The following ACTR2 variants were observed in gnomAD, a reference collection of about 807,000 sequenced individuals.
ACTR2 encodes the protein actin related protein 2, also known as actin-related protein 2.
A neutral mutation model predicts 50.2 loss-of-function variants in ACTR2; 5 were observed. That is an observed-to-expected ratio of 0.10 (90% CI 0.05 to 0.21). The LOEUF is 0.21. Among genes scored for constraint, ACTR2 ranks in the 10% least tolerant of loss-of-function variants. The pLI, the probability that ACTR2 is intolerant of heterozygous loss-of-function variation, is 1.00. For missense variants in ACTR2, 180 were observed against 480.6 expected (o/e 0.37, Z 5.85); for synonymous variants, 140 against 162.9 (o/e 0.86, Z 1.07).
chr2:65,257,258 C>G (rs930838440), intron 6 of ACTR2, among the ~76,000 whole-genome samples: 1 of 151,924 alleles, frequency 6.6e-6, no homozygotes, highest in South Asian at 2.1e-4. Flanking sequence ...TCACCCATGC[C>G]CCTGTAAAGG....
At chr2:65,255,853 C>G in intron 6 of ACTR2, among the ~76,000 whole-genome samples, 159 bp downstream of exon 6, 1 of 152,160 alleles carries the variant, frequency 6.6e-6, no homozygotes, top group Non-Finnish European at 1.5e-5. Flanking sequence ...CATTAAGTTT[C>G]TATTTAATTA....
chr2:65,268,282 T>TC, intron 8 of ACTR2, among the ~76,000 whole-genome samples: 1 of 152,214 alleles, frequency 6.6e-6, no homozygotes, highest in African/African-American at 2.4e-5. Context: ...ACTGATCAAA[T>TC]TAGGACACTC....
chr2:65,266,017 CT>C lies in ACTR2; in HGVS notation c.1014+844del, dbSNP rs1672366690. Among the ~76,000 whole-genome samples, 5 of 152,180 alleles carry C rather than the reference CT, an allele frequency of 3.3e-5. No individual in the cohort carries two copies. In the South Asian group the frequency reaches 1.0e-3, roughly 32 times the overall value. On this transcript the variant is annotated intron_variant, in intron 8 of 8. Coordinates refer to ENST00000260641, the MANE Select transcript of ACTR2 (RefSeq NM_005722.4). Reference sequence around the variant, plus strand: ...GGAAAGGAGCCATACTGTCTAAGTACTTCACTTATTTTTCTGATTTTATTGA... The same window carrying C: ...GGAAAGGAGCCATACTGTCTAAGTACTCACTTATTTTTCTGATTTTATTGA...
chr2:65,251,995 T>G (rs1044580476), intron 4 of ACTR2, among the ~76,000 whole-genome samples: 1 of 152,022 alleles, frequency 6.6e-6, no homozygotes, highest in Non-Finnish European at 1.5e-5. Flanking sequence ...CTGTCAGATA[T>G]GTGCCAAGGA....
chr2:65,243,551 C>A (rs139885111), intron 2 of ACTR2, among the ~76,000 whole-genome samples: 175 of 152,128 alleles, frequency 1.2e-3, no homozygotes, highest in African/African-American at 4.0e-3. Flanking sequence ...ATTGCTTGAG[C>A]CCAGAAGTTT....
At chr2:65,229,787 T>C (rs1671602210) in intron 1 of ACTR2, among the ~76,000 whole-genome samples, 1 of 150,766 alleles carries the variant, frequency 6.6e-6, no homozygotes, top group Non-Finnish European at 1.5e-5. Flanking sequence ...ACAAAACATA[T>C]TAATGTGACG....
chr2:65,237,315 C>T (rs1489363312), intron 1 of ACTR2, among the ~76,000 whole-genome samples: 1 of 152,126 alleles, frequency 6.6e-6, no homozygotes, highest in Non-Finnish European at 1.5e-5. Context: ...ATCACGGCAG[C>T]CTTAACCTCC....
chr2:65,238,286 C>T (rs1031776289), intron 1 of ACTR2, among the ~76,000 whole-genome samples: 8 of 152,130 alleles, frequency 5.3e-5, no homozygotes, highest in African/African-American at 1.9e-4. Context: ...AGTCTTATCA[C>T]AATGATATGT....
At position 65,268,558 on chromosome 2, in the gene ACTR2, C is replaced by T. The variant is rs1239846271; in HGVS notation, c.1015-6C>T. ...ACCATTTCATTATCCTTTCTTTCTC[C>T]TTTAGAAATTTAAGATCCGCATTGA... On this transcript the variant is annotated splice_polypyrimidine_tract_variant and splice_region_variant and intron_variant, in intron 8 of 8. Transcript: ENST00000260641. The T allele has an allele frequency of 6.2e-7, 1 of 1,609,342 alleles. No individual in the cohort carries two copies. The highest frequency in any genetic ancestry group is 2.2e-5 in the East Asian group (1 of 44,844).
chr2:65,268,127 A>G (rs9309371), intron 8 of ACTR2, among the ~76,000 whole-genome samples: 14,852 of 151,834 alleles, frequency 0.098, 802 homozygotes, highest in Middle Eastern at 0.17. Context: ...GAGCCACCAC[A>G]CCCAGCCATG....
In ACTR2 at chr2:65,269,182, G is replaced by T. The variant is rs561718165; in HGVS notation, c.*448G>T. 232 of 154,098 alleles carry T rather than the reference G, an allele frequency of 1.5e-3. No homozygotes were observed. The highest frequency in any genetic ancestry group is 2.3e-3 in the Non-Finnish European group (160 of 69,476). The allele number at this position is 154,098 out of a possible 1,614,324, so 9.5% of individuals were successfully genotyped here. On this transcript the variant is annotated 3_prime_UTR_variant, in exon 9 of 9. Coordinates refer to ENST00000260641, the MANE Select transcript of ACTR2 (RefSeq NM_005722.4). Reference sequence around the variant, plus strand: ...GTGGGCAGCTGCTGAACCCTTTAGGGCATTTCCTCTGTAATGTGGCGCTTT... The same window carrying T: ...GTGGGCAGCTGCTGAACCCTTTAGGTCATTTCCTCTGTAATGTGGCGCTTT...
intron 8 of ACTR2, among the ~76,000 whole-genome samples, chr2:65,267,671 G>A (rs1156412177): frequency 2.0e-5 from 3 of 151,900 alleles, no homozygotes; most frequent in Non-Finnish European, 4.4e-5. Flanking sequence ...TGGTTACTGT[G>A]TTCATTTTCT....
At chr2:65,265,243 G>A (rs1297780533) in intron 8 of ACTR2, 68 bp downstream of exon 8, 1 of 1,576,284 alleles carries the variant, frequency 6.3e-7, no homozygotes, top group Non-Finnish European at 8.7e-7. Context: ...TGTGAATCTT[G>A]ACAACCACCA....
intron 4 of ACTR2, among the ~76,000 whole-genome samples, chr2:65,252,947 G>GAGGTTTAACTGACATTGCCTTTTATTAT (rs1240095423): frequency 6.6e-6 from 1 of 152,166 alleles, no homozygotes; most frequent in African/African-American, 2.4e-5. Context: ...CTTTTATTAT[G>GAGGTTTAACTGACATTGCCTTTTATTAT]AGGTTTAACT....
At chr2:65,260,935 T>G (rs749769661) in intron 6 of ACTR2, among the ~76,000 whole-genome samples, 1 of 152,008 alleles carries the variant, frequency 6.6e-6, no homozygotes, top group Non-Finnish European at 1.5e-5. Flanking sequence ...TTTCATTGTG[T>G]TAGTCAGGAT....
intron 2 of ACTR2, chr2:65,241,841 T>C: frequency 2.1e-6 from 1 of 472,704 alleles, no homozygotes; most frequent in Non-Finnish European, 3.6e-6. Flanking sequence ...AATCGTTTAA[T>C]GAGTTAATTT....
At chr2:65,230,203 TG>T (rs1239460209) in intron 1 of ACTR2, among the ~76,000 whole-genome samples, 7 of 152,190 alleles carry the variant, frequency 4.6e-5, no homozygotes, top group Admixed American at 1.3e-4. Flanking sequence ...AGTTTCAAAT[TG>T]GCCTCTAAAT....
At chr2:65,251,450 C>T (rs1672049419) in intron 4 of ACTR2, among the ~76,000 whole-genome samples, 1 of 152,206 alleles carries the variant, frequency 6.6e-6, no homozygotes, top group Non-Finnish European at 1.5e-5. Context: ...CAACCTCCAC[C>T]TCCTGGGTTC....
intron 6 of ACTR2, among the ~76,000 whole-genome samples, chr2:65,256,006 T>G (rs944081882): frequency 1.3e-5 from 2 of 152,206 alleles, no homozygotes; most frequent in Non-Finnish European, 2.9e-5. Context: ...GAACTTTATT[T>G]CCCTGAGATG....
Sources: allele counts gnomAD v4.1 joint callset (sites outside exome capture counted in the v4.1 genomes callset), GRCh38; gene constraint gnomAD v4.1.1; transcripts MANE v1.5; gene names NCBI Gene and HGNC (gene_info 2026-07-23, HGNC 2026-07-21).